NAALADL2: variants seen among roughly 807,000 people sequenced by gnomAD.
NAALADL2 encodes the protein N-acetylated alpha-linked acidic dipeptidase like 2.
NAALADL2 carries 76 observed loss-of-function variants against 87.2 expected under a neutral mutation model. The ratio of observed to expected loss-of-function variants is 0.87; its 90% CI spans 0.72 to 1.05. The LOEUF is 1.05. Among genes scored for constraint, NAALADL2 ranks in the 50% least tolerant of loss-of-function variants. The pLI, the probability that NAALADL2 is intolerant of heterozygous loss-of-function variation, is 0.00. For missense variants in NAALADL2, 1,089 were observed against 945.8 expected (o/e 1.15, Z -1.99); for synonymous variants, 354 against 331.0 (o/e 1.07, Z -0.75).
At chr3:175,650,963 T>C (rs933689883) in intron 11 of NAALADL2, among the ~76,000 whole-genome samples, 2 of 152,184 alleles carry the variant, frequency 1.3e-5, no homozygotes, top group Non-Finnish European at 2.9e-5. Context: ...TTCTCTGAGT[T>C]TATCTCCTCA....
chr3:175,475,722 T>C (rs1415208089), intron 9 of NAALADL2, among the ~76,000 whole-genome samples: 4 of 152,134 alleles, frequency 2.6e-5, no homozygotes, highest in African/African-American at 9.7e-5. Flanking sequence ...TTTTTTAATT[T>C]AATTTAATTT....
rs573309983 is a variant in NAALADL2, at chr3:175,144,006, G to T, written c.545+46715G>T. Among the ~76,000 whole-genome samples the T allele has an allele frequency of 4.9e-4, 74 of 151,938 alleles. 3 individuals are homozygous for T. The South Asian group carries it at 8.5e-3, about 17-fold the overall frequency. On this transcript the variant is annotated intron_variant, in intron 2 of 13. Transcript: ENST00000454872. Reference sequence around the variant, plus strand: ...AGGAAGTTATTTTAAATTTCCATTAGAAGAAATTGAGTAAAATCGTGAATG... The same window carrying T: ...AGGAAGTTATTTTAAATTTCCATTATAAGAAATTGAGTAAAATCGTGAATG...
At chr3:175,082,687 CT>C (rs1017296350) in intron 1 of NAALADL2, among the ~76,000 whole-genome samples, 4 of 152,004 alleles carry the variant, frequency 2.6e-5, no homozygotes, top group African/African-American at 4.8e-5. Context: ...AAAATATTTT[CT>C]TTTTTTGGAA....
intron 1 of NAALADL2, among the ~76,000 whole-genome samples, chr3:174,463,789 A>T (rs1716355629): frequency 6.6e-6 from 1 of 151,806 alleles, no homozygotes; most frequent in Non-Finnish European, 1.5e-5. Context: ...TTTAGTAGAG[A>T]CGCGATTTCA....
At chr3:175,687,664 A>C (rs940641192) in intron 11 of NAALADL2, among the ~76,000 whole-genome samples, 1 of 152,070 alleles carries the variant, frequency 6.6e-6, no homozygotes, top group Non-Finnish European at 1.5e-5. Flanking sequence ...GTCCCCTCCA[A>C]ATCTCATGTT....
At chr3:174,830,504 TG>T (rs1722551262) in intron 3 of NAALADL2, among the ~76,000 whole-genome samples, 1 of 151,872 alleles carries the variant, frequency 6.6e-6, no homozygotes, top group South Asian at 2.1e-4. Flanking sequence ...CATGCTGTTT[TG>T]GTTACTGTAG....
In NAALADL2 at chr3:175,207,649, C is replaced by T. The variant is rs370695320; in HGVS notation, c.546-26282C>T. On this transcript the variant is annotated intron_variant, in intron 2 of 13. Coordinates refer to ENST00000454872, the MANE Select transcript of NAALADL2 (RefSeq NM_207015.3). ...TTAGTTGCTTATCCACACATTTCCT[C>T]TCTGTTTTCCCTTCTTTGATTATTC... 3.3e-5 allele frequency among the ~76,000 whole-genome samples: 5 copies of T among 152,238 alleles called. No homozygotes were observed. In the East Asian group the frequency reaches 7.7e-4, roughly 24 times the overall value.
At chr3:174,901,256 A>G (rs967088440) in intron 1 of NAALADL2, among the ~76,000 whole-genome samples, 7 of 152,176 alleles carry the variant, frequency 4.6e-5, no homozygotes, top group African/African-American at 1.4e-4. Flanking sequence ...GTTTTAGCTG[A>G]TATAATTCTA....
At chr3:175,371,827 A>G (rs1374345264) in intron 5 of NAALADL2, among the ~76,000 whole-genome samples, 1 of 151,908 alleles carries the variant, frequency 6.6e-6, no homozygotes, top group Non-Finnish European at 1.5e-5. Flanking sequence ...AAAAAAAAAA[A>G]AGATAACCAC....
Position 175,795,172 on chromosome 3 carries a change from CA to C in NAALADL2, c.2190-7830del, listed in dbSNP as rs1434759458. ...AGTGTGTGCATTTGGAGCAGGAACA[CA>C]AACATTCAGTCTATAACAATGGTTG... is the stretch of plus-strand genomic sequence containing the variant. On this transcript the variant is annotated intron_variant, in intron 13 of 13. Coordinates refer to ENST00000454872, the MANE Select transcript of NAALADL2 (RefSeq NM_207015.3). Among the ~76,000 whole-genome samples, 4 of 152,310 alleles carry C rather than the reference CA, an allele frequency of 2.6e-5. No homozygotes were observed. In the East Asian group the frequency reaches 7.7e-4, roughly 29 times the overall value.
intron 2 of NAALADL2, among the ~76,000 whole-genome samples, chr3:174,702,248 T>C (rs1045165088): frequency 6.6e-6 from 1 of 152,218 alleles, no homozygotes. Flanking sequence ...AAATAATTTT[T>C]TTGTTGTTTT....
At position 174,690,960 on chromosome 3, in the gene NAALADL2, C is replaced by T. The variant is rs191118882; in HGVS notation, c.-114-46681C>T. On this transcript the variant is annotated intron_variant, in intron 2 of 3. Coordinates refer to the NAALADL2 transcript ENST00000434257. ...TCATCACTGCCCCTTTTCATCAAGA[C>T]GAATAATTAAAATTGACTTTGCTTG... Among the ~76,000 whole-genome samples the T allele has an allele frequency of 4.4e-3, 670 of 152,088 alleles. 1 individual carries two copies. Among genetic ancestry groups the T allele is most frequent in the Non-Finnish European group, 8.0e-3 (546 of 67,988 alleles).
intron 1 of NAALADL2, among the ~76,000 whole-genome samples, chr3:174,869,517 G>A (rs968907431): frequency 3.9e-5 from 6 of 152,172 alleles, no homozygotes; most frequent in African/African-American, 7.2e-5. Flanking sequence ...AAATATGAGT[G>A]AGTGTAATGA....
At chr3:174,864,426 A>G (rs544621859) in intron 1 of NAALADL2, among the ~76,000 whole-genome samples, 1 of 152,222 alleles carries the variant, frequency 6.6e-6, no homozygotes, top group Non-Finnish European at 1.5e-5. Flanking sequence ...AACACTTTGA[A>G]ATATGGAGTT....
At chr3:175,273,024 G>T (rs2110023621) in intron 4 of NAALADL2, among the ~76,000 whole-genome samples, 1 of 152,014 alleles carries the variant, frequency 6.6e-6, no homozygotes, top group East Asian at 1.9e-4. Context: ...TTAATCTTGA[G>T]TATTTTTCAT....
At chr3:174,960,447 T>G (rs1707532685) in intron 1 of NAALADL2, among the ~76,000 whole-genome samples, 1 of 152,038 alleles carries the variant, frequency 6.6e-6, no homozygotes. Flanking sequence ...AAAAAGCTGC[T>G]CTTTAATCAA....
intron 2 of NAALADL2, among the ~76,000 whole-genome samples, chr3:175,193,595 C>T (rs554244295): frequency 6.6e-6 from 1 of 151,988 alleles, no homozygotes; most frequent in Non-Finnish European, 1.5e-5. Flanking sequence ...CCCTCCCTAT[C>T]CTTACCCCAT....
intron 2 of NAALADL2, among the ~76,000 whole-genome samples, chr3:174,726,498 C>T (rs1030946300): frequency 6.6e-6 from 1 of 152,088 alleles, no homozygotes; most frequent in African/African-American, 2.4e-5. Context: ...TATTTGTCTT[C>T]TGAGTGAACT....
At chr3:175,015,872 A>G (rs868253931) in intron 1 of NAALADL2, among the ~76,000 whole-genome samples, 65 of 152,142 alleles carry the variant, frequency 4.3e-4, no homozygotes, top group Admixed American at 3.0e-3. Flanking sequence ...CACCATATCA[A>G]AATATCATTG....
Sources: gnomAD v4.1 joint callset for allele counts (sites outside exome capture counted in the v4.1 genomes callset) on GRCh38, gnomAD v4.1.1 for gene constraint, MANE v1.5 for transcripts, NCBI Gene and HGNC (gene_info 2026-07-23, HGNC 2026-07-21) for gene names.